The following CCSER1 variants were observed in gnomAD, a reference collection of about 807,000 sequenced individuals.
CCSER1 encodes the protein coiled-coil serine rich protein 1, also known as serine-rich coiled-coil domain-containing protein 1.
In CCSER1, 41 loss-of-function variants were observed where a neutral mutation model predicts 82.0. The ratio of observed to expected loss-of-function variants is 0.50; its 90% CI spans 0.39 to 0.65. The LOEUF is 0.65. Among genes scored for constraint, CCSER1 ranks in the 30% least tolerant of loss-of-function variants. The pLI is 0.00. For missense variants in CCSER1, 1,119 were observed against 1,064.2 expected (o/e 1.05, Z -0.72); for synonymous variants, 414 against 383.9 (o/e 1.08, Z -0.92).
chr4:90,905,102 A>G (rs1163649910), intron 8 of CCSER1, among the ~76,000 whole-genome samples: 1 of 152,080 alleles, frequency 6.6e-6, no homozygotes, highest in African/African-American at 2.4e-5. Flanking sequence ...AGTCTGGAAA[A>G]TAGATAGGAC....
chr4:90,661,570 A>G (rs1441543359), intron 6 of CCSER1, among the ~76,000 whole-genome samples: 2 of 152,200 alleles, frequency 1.3e-5, no homozygotes, highest in Non-Finnish European at 2.9e-5. Context: ...ATGTTTAACT[A>G]TAGTGTGAGA....
At chr4:90,431,117 A>G (rs1189899038) in intron 4 of CCSER1, among the ~76,000 whole-genome samples, 3 of 152,046 alleles carry the variant, frequency 2.0e-5, no homozygotes, top group Non-Finnish European at 4.4e-5. Flanking sequence ...GTTTGTTAAT[A>G]TAAGTTAATA....
chr4:90,419,265 A>G (rs143147912), intron 4 of CCSER1, among the ~76,000 whole-genome samples: 1 of 152,102 alleles, frequency 6.6e-6, no homozygotes, highest in East Asian at 1.9e-4. Flanking sequence ...CAAAAGGGAT[A>G]CAATACCTGT....
chr4:91,221,826 C>A (rs984932371), intron 10 of CCSER1, among the ~76,000 whole-genome samples: 8 of 151,922 alleles, frequency 5.3e-5, no homozygotes, highest in African/African-American at 1.9e-4. Context: ...AGCTAGAGTC[C>A]AGTGTGATAA....
intron 10 of CCSER1, among the ~76,000 whole-genome samples, chr4:91,279,692 C>T (rs961599693): frequency 6.6e-6 from 1 of 151,970 alleles, no homozygotes; most frequent in African/African-American, 2.4e-5. Flanking sequence ...TATCTTGTTT[C>T]TAAGTGAGCT....
At chr4:91,206,592 G>T (rs188680684) in intron 10 of CCSER1, among the ~76,000 whole-genome samples, 3 of 151,900 alleles carry the variant, frequency 2.0e-5, no homozygotes, top group African/African-American at 7.2e-5. Context: ...GTAAAACAGT[G>T]TAAGGGGCCA....
chr4:90,552,561 G>T (rs548210484), intron 5 of CCSER1, among the ~76,000 whole-genome samples: 1 of 151,956 alleles, frequency 6.6e-6, no homozygotes, highest in South Asian at 2.1e-4. Context: ...GGGCTCAAGC[G>T]ATTCTCCCAC....
intron 9 of CCSER1, among the ~76,000 whole-genome samples, chr4:91,058,992 C>G (rs910372676): frequency 2.6e-5 from 4 of 151,902 alleles, no homozygotes; most frequent in African/African-American, 9.7e-5. Flanking sequence ...CTCCCCAAAG[C>G]ACAAGATACC....
intron 10 of CCSER1, among the ~76,000 whole-genome samples, chr4:91,541,406 G>T (rs2110196867): frequency 6.6e-6 from 1 of 152,298 alleles, no homozygotes; most frequent in Admixed American, 6.5e-5. Context: ...AGGCCCAGGT[G>T]TGTGATGTTC....
chr4:91,046,233 A>G (rs997191821), intron 9 of CCSER1, among the ~76,000 whole-genome samples: 4 of 151,978 alleles, frequency 2.6e-5, no homozygotes, highest in East Asian at 3.9e-4. Flanking sequence ...TTTAATTACA[A>G]TTCAAACCTA....
intron 10 of CCSER1, among the ~76,000 whole-genome samples, chr4:91,444,476 G>A (rs1755421774): frequency 6.6e-6 from 1 of 150,406 alleles, no homozygotes; most frequent in Non-Finnish European, 1.5e-5. Flanking sequence ...TTGAGACAGA[G>A]TCTCCCTCTA....
At chr4:90,221,136 C>A (rs981527878) in intron 1 of CCSER1, among the ~76,000 whole-genome samples, 9 of 151,972 alleles carry the variant, frequency 5.9e-5, no homozygotes, top group African/African-American at 2.2e-4. Flanking sequence ...TACTTCTAAC[C>A]TGAGGTGGGA....
chr4:90,256,577 A>G (rs1723324657), intron 1 of CCSER1, among the ~76,000 whole-genome samples: 1 of 152,166 alleles, frequency 6.6e-6, no homozygotes, highest in South Asian at 2.1e-4. Context: ...GGCTGTCAGC[A>G]GAATACTTCT....
chr4:90,340,240 T>A (rs1382507196), intron 3 of CCSER1, among the ~76,000 whole-genome samples: 1 of 152,134 alleles, frequency 6.6e-6, no homozygotes, highest in Non-Finnish European at 1.5e-5. Flanking sequence ...TGGTAGAAGA[T>A]TATTTTTACC....
Position 90,467,274 on chromosome 4 carries a change from C to A in CCSER1, c.1604-960C>A, listed in dbSNP as rs180804755. On this transcript the variant is annotated intron_variant, in intron 4 of 10. Coordinates refer to ENST00000509176, the MANE Select transcript of CCSER1 (RefSeq NM_001145065.2). ...GATAGTGCGCCTGTAGTCCTAGCTACTTGGGAGGCTGAGGTAGGAGAATCA... is the reference window on the plus strand; with the variant it reads ...GATAGTGCGCCTGTAGTCCTAGCTAATTGGGAGGCTGAGGTAGGAGAATCA... Among the ~76,000 whole-genome samples the A allele has an allele frequency of 6.6e-5, 10 of 152,174 alleles. No individual in the cohort carries two copies. In the East Asian group the frequency reaches 1.9e-3, roughly 29 times the overall value.
intron 1 of CCSER1, among the ~76,000 whole-genome samples, chr4:90,220,462 C>CTTTT (rs369855943): frequency 6.9e-6 from 1 of 145,844 alleles, no homozygotes; most frequent in African/African-American, 2.5e-5. Context: ...TTTTGATTTG[C>CTTTT]TTTTTTTTTT....
intron 6 of CCSER1, among the ~76,000 whole-genome samples, chr4:90,682,264 T>TA (rs962015304): frequency 4.0e-5 from 6 of 148,318 alleles, no homozygotes; most frequent in Non-Finnish European, 6.0e-5. Context: ...CATACCCTAT[T>TA]AAAAAAAAAG....
chr4:91,026,625 A>G (rs73834725), intron 9 of CCSER1, among the ~76,000 whole-genome samples: 3,455 of 152,194 alleles, frequency 0.023, 136 homozygotes, highest in African/African-American at 0.079. Context: ...AGGTAAGAAA[A>G]TAAAATCTTT....
chr4:90,818,365 C>T (rs1759304103), intron 8 of CCSER1, among the ~76,000 whole-genome samples: 1 of 151,416 alleles, frequency 6.6e-6, no homozygotes, highest in Non-Finnish European at 1.5e-5. Context: ...GCAACCTCCA[C>T]CTCCTGGGTT....
Sources: gnomAD v4.1 joint callset for allele counts (sites outside exome capture counted in the v4.1 genomes callset) on GRCh38, gnomAD v4.1.1 for gene constraint, MANE v1.5 for transcripts, NCBI Gene and HGNC (gene_info 2026-07-23, HGNC 2026-07-21) for gene names.